The following KCNIP4 variants were observed in gnomAD, a reference collection of about 807,000 sequenced individuals.
The protein encoded by KCNIP4 is potassium voltage-gated channel interacting protein 4, also known as Kv channel-interacting protein 4.
A neutral mutation model predicts 34.0 loss-of-function variants in KCNIP4; 12 were observed. That is an observed-to-expected ratio of 0.35 (90% confidence interval 0.23 to 0.57). The LOEUF is 0.57. Ranked by LOEUF, KCNIP4 falls within the 20% of genes least tolerant of loss-of-function variation. KCNIP4 has a pLI of 0.83. For synonymous variants in KCNIP4, 124 were observed against 102.2 expected (o/e 1.21, Z -1.29); for missense variants, 238 against 311.7 (o/e 0.76, Z 1.78).
chr4:21,619,430 A>G (rs1744855237), intron 1 of KCNIP4, among the ~76,000 whole-genome samples: 1 of 152,240 alleles, frequency 6.6e-6, no homozygotes, highest in African/African-American at 2.4e-5. Context: ...TATTATTTAC[A>G]TAAGTTTTGA....
At chr4:20,881,455 T>A (rs1724674243) in intron 2 of KCNIP4, among the ~76,000 whole-genome samples, 1 of 152,152 alleles carries the variant, frequency 6.6e-6, no homozygotes, top group Non-Finnish European at 1.5e-5. Context: ...AATGTTGCAT[T>A]TTCTCACTAG....
At position 21,343,604 on chromosome 4, in the gene KCNIP4, T is replaced by A. The variant is rs543487689; in HGVS notation, c.62-460895A>T. 2.0e-5 allele frequency among the ~76,000 whole-genome samples: 3 copies of A among 152,256 alleles called. No individual in the cohort carries two copies. In the South Asian group the frequency reaches 6.2e-4, roughly 32 times the overall value. On this transcript the variant is annotated intron_variant, in intron 1 of 8. Transcript: ENST00000382152. The stretch of plus-strand genomic sequence containing the variant: ...CTATGAAAGTCTTTACCAGGATCCA[T>A]GAGCCCAGGGCATTTCCCTAGAAGC...
rs551024068 is a variant in KCNIP4, at chr4:21,323,512, G to A, written c.62-440803C>T. On this transcript the variant is annotated intron_variant, in intron 1 of 8. Transcript: ENST00000382152. Reference sequence around the variant, plus strand: ...CTCCCACAATTAAGTGTGAACATGCGAAGTTTGTCTTTCTGTGCCTGGCTT... The same window carrying A: ...CTCCCACAATTAAGTGTGAACATGCAAAGTTTGTCTTTCTGTGCCTGGCTT... Among the ~76,000 whole-genome samples, 26 of 152,034 alleles carry A rather than the reference G, an allele frequency of 1.7e-4. 1 individual carries two copies. The South Asian group carries it at 4.8e-3, about 28-fold the overall frequency.
In KCNIP4 at chr4:21,458,641, T is replaced by C. The variant is rs1024209846; in HGVS notation, c.61+489930A>G. ...GATGACAGGTCTCACATTAACTTCC[T>C]GATCGCTAACCTAAAAAAGCCCTCA... On this transcript the variant is annotated intron_variant, in intron 1 of 8. Coordinates refer to ENST00000382152, the MANE Select transcript of KCNIP4 (RefSeq NM_025221.6). 3.1e-4 allele frequency among the ~76,000 whole-genome samples: 47 copies of C among 152,050 alleles called. 1 individual carries two copies. Among genetic ancestry groups the C allele is most frequent in the African/African-American group, 1.1e-3 (46 of 41,388 alleles).
chr4:21,616,915 T>C (rs546927424), intron 1 of KCNIP4, among the ~76,000 whole-genome samples: 3 of 152,318 alleles, frequency 2.0e-5, no homozygotes, highest in African/African-American at 7.2e-5. Context: ...GACTTCAACA[T>C]ATCTTTTTAG....
At chr4:20,988,023 T>TA (rs1033781557) in intron 1 of KCNIP4, among the ~76,000 whole-genome samples, 118 of 83,622 alleles carry the variant, frequency 1.4e-3, no homozygotes, top group African/African-American at 6.2e-3. Flanking sequence ...AAAAAAAAAA[T>TA]TATAGATATT....
Position 20,760,741 on chromosome 4 carries a change from A to G in KCNIP4, c.289-1851T>C, listed in dbSNP as rs562497734. Among the ~76,000 whole-genome samples, 10 of 152,264 alleles carry G rather than the reference A, an allele frequency of 6.6e-5. No homozygotes were observed. In the South Asian group the frequency reaches 2.1e-3, roughly 32 times the overall value. ...CTGGAATGTGGGCTTGGAACTCTCC[A>G]GGTCATGACAAGGTTTCGTATTAGA... On this transcript the variant is annotated intron_variant, in intron 3 of 8. Coordinates refer to ENST00000382152, the MANE Select transcript of KCNIP4 (RefSeq NM_025221.6).
chr4:21,907,543 G>A (rs1244163321), intron 1 of KCNIP4, among the ~76,000 whole-genome samples: 1 of 152,084 alleles, frequency 6.6e-6, no homozygotes, highest in Non-Finnish European at 1.5e-5. Flanking sequence ...CGTCTCTTAT[G>A]CACAATTGTA....
chr4:21,809,280 T>C (rs1201275873), intron 1 of KCNIP4, among the ~76,000 whole-genome samples: 1 of 152,182 alleles, frequency 6.6e-6, no homozygotes, highest in African/African-American at 2.4e-5. Context: ...ATCCATCTTC[T>C]CCTGCTCTTG....
At chr4:20,810,462 G>T (rs972361658) in intron 3 of KCNIP4, among the ~76,000 whole-genome samples, 12 of 114,958 alleles carry the variant, frequency 1.0e-4, no homozygotes, top group Admixed American at 2.9e-4. Flanking sequence ...GGGAGGAAGG[G>T]GGGAGAGAGA....
At chr4:21,643,986 C>T (rs1746824853) in intron 1 of KCNIP4, among the ~76,000 whole-genome samples, 1 of 151,898 alleles carries the variant, frequency 6.6e-6, no homozygotes, top group African/African-American at 2.4e-5. Flanking sequence ...CAATGCTTTA[C>T]TCATTAAATT....
intron 1 of KCNIP4, among the ~76,000 whole-genome samples, chr4:21,149,185 T>C (rs1752591528): frequency 6.6e-6 from 1 of 152,226 alleles, no homozygotes; most frequent in African/African-American, 2.4e-5. Flanking sequence ...GAGAGGGTTT[T>C]ATAGTTTTGG....
intron 1 of KCNIP4, among the ~76,000 whole-genome samples, chr4:21,658,407 T>G (rs1034746667): frequency 2.0e-5 from 3 of 152,068 alleles, no homozygotes; most frequent in Non-Finnish European, 2.9e-5. Flanking sequence ...TCACATCACA[T>G]AGGGCACATC....
At chr4:21,086,500 A>G (rs80186101) in intron 1 of KCNIP4, among the ~76,000 whole-genome samples, 1 of 152,318 alleles carries the variant, frequency 6.6e-6, no homozygotes, top group Admixed American at 6.5e-5. Context: ...TTAAAAATAT[A>G]TGATACATAA....
At chr4:20,811,125 C>T (rs1458710346) in intron 3 of KCNIP4, among the ~76,000 whole-genome samples, 1 of 152,172 alleles carries the variant, frequency 6.6e-6, no homozygotes, top group Admixed American at 6.5e-5. Flanking sequence ...TTTTTATAAG[C>T]CTAACTGGTC....
intron 1 of KCNIP4, among the ~76,000 whole-genome samples, chr4:21,175,483 T>A (rs1369772569): frequency 1.3e-5 from 2 of 152,184 alleles, no homozygotes; most frequent in Non-Finnish European, 2.9e-5. Flanking sequence ...TACCCTAGAT[T>A]TTAGCAACTT....
chr4:21,375,623 G>A (rs959611359), intron 1 of KCNIP4, among the ~76,000 whole-genome samples: 1 of 150,476 alleles, frequency 6.6e-6, no homozygotes, highest in Non-Finnish European at 1.5e-5. Flanking sequence ...CTGGAGTGCA[G>A]TGGTGCGATC....
intron 1 of KCNIP4, among the ~76,000 whole-genome samples, chr4:20,904,656 A>G (rs1420268738): frequency 6.6e-6 from 1 of 152,162 alleles, no homozygotes; most frequent in African/African-American, 2.4e-5. Flanking sequence ...ACAAAATGCT[A>G]ATTTAATTAA....
chr4:21,200,358 A>G (rs1313555394), intron 1 of KCNIP4, among the ~76,000 whole-genome samples: 3 of 104,524 alleles, frequency 2.9e-5, no homozygotes, highest in Non-Finnish European at 5.2e-5. Context: ...ATGTGTGTAT[A>G]TATATATACA....
Sources: gnomAD v4.1 joint callset for allele counts (sites outside exome capture counted in the v4.1 genomes callset) on GRCh38, gnomAD v4.1.1 for gene constraint, MANE v1.5 for transcripts, NCBI Gene and HGNC (gene_info 2026-07-23, HGNC 2026-07-21) for gene names.